Variants in HIVEP3 observed in about 807,000 individuals in gnomAD.
The protein encoded by HIVEP3 is transcription factor HIVEP3.
In HIVEP3, 49 loss-of-function variants were observed where a neutral mutation model predicts 152.8. The observed-to-expected ratio is 0.32, with a 90% confidence interval of 0.26 to 0.41. The LOEUF (loss-of-function observed/expected upper bound fraction) is 0.41. HIVEP3 is among the 10% of genes least tolerant of loss of function. The pLI, the probability that HIVEP3 is intolerant of heterozygous loss-of-function variation, is 1.00. For missense variants in HIVEP3, 2,790 were observed against 3,103.3 expected (o/e 0.90, Z 2.40); for synonymous variants, 1,269 against 1,289.0 (o/e 0.98, Z 0.33).
rs113696167 is a variant in HIVEP3, at chr1:41,812,586, C to A, written c.-801+105827G>T. Among the ~76,000 whole-genome samples, 8 of 152,108 alleles carry A rather than the reference C, an allele frequency of 5.3e-5. 1 individual carries two copies. Among genetic ancestry groups the A allele is most frequent in the African/African-American group, 1.9e-4 (8 of 41,490 alleles). ...TTCCTCTGGAATGACTGGGCCACAT[C>A]TGTATTGTGTTCCCATCTGGACACT... On this transcript the variant is annotated intron_variant, in intron 1 of 8. Coordinates refer to ENST00000372583, the MANE Select transcript of HIVEP3 (RefSeq NM_024503.5).
At chr1:41,780,829 G>C (rs1456568517) in intron 1 of HIVEP3, among the ~76,000 whole-genome samples, 2 of 152,198 alleles carry the variant, frequency 1.3e-5, no homozygotes, top group Admixed American at 6.5e-5. Flanking sequence ...ATGGAAGGTA[G>C]TGCAGGCCTG....
chr1:41,787,468 A>G (rs1204019544), intron 1 of HIVEP3, among the ~76,000 whole-genome samples: 1 of 151,840 alleles, frequency 6.6e-6, no homozygotes, highest in Non-Finnish European at 1.5e-5. Flanking sequence ...CCATGCACAC[A>G]GCAGATGAGT....
chr1:41,866,065 C>T (rs781153813), intron 1 of HIVEP3, among the ~76,000 whole-genome samples: 31 of 152,196 alleles, frequency 2.0e-4, no homozygotes, highest in Admixed American at 1.4e-3. Flanking sequence ...AACAGAGAGA[C>T]GGATAACTAT....
At chr1:41,705,763 G>C (rs950119439) in intron 1 of HIVEP3, among the ~76,000 whole-genome samples, 1 of 152,142 alleles carries the variant, frequency 6.6e-6, no homozygotes, top group East Asian at 1.9e-4. Context: ...ACACTTCTGG[G>C]TGTAGTCATC....
chr1:41,979,466 G>A (rs1029787766), intron 1 of HIVEP3, among the ~76,000 whole-genome samples: 1 of 152,182 alleles, frequency 6.6e-6, no homozygotes, highest in Non-Finnish European at 1.5e-5. Context: ...GCTAAGTAAT[G>A]GGATCTGGAC....
intron 6 of HIVEP3, among the ~76,000 whole-genome samples, chr1:41,521,860 GC>G (rs1212075067): frequency 1.3e-5 from 2 of 152,154 alleles, no homozygotes; most frequent in East Asian, 3.9e-4. Context: ...CGGTGCAAGG[GC>G]CTGGACATGG....
chr1:41,812,834 ACTGCCAAGGTTCT>A (rs1346266224), intron 1 of HIVEP3, among the ~76,000 whole-genome samples: 2 of 125,070 alleles, frequency 1.6e-5, no homozygotes, highest in Non-Finnish European at 3.2e-5. Flanking sequence ...ATAAGTTAGA[ACTGCCAAGGTTCT>A]CTGCTCCTTA....
intron 3 of HIVEP3, among the ~76,000 whole-genome samples, chr1:41,604,030 G>A (rs999069942): frequency 6.6e-6 from 1 of 152,192 alleles, no homozygotes; most frequent in African/African-American, 2.4e-5. Flanking sequence ...ACAAAATGAC[G>A]CCAAGTGTTG....
intron 1 of HIVEP3, among the ~76,000 whole-genome samples, chr1:41,870,487 C>T (rs1294592527): frequency 1.3e-5 from 2 of 152,188 alleles, no homozygotes; most frequent in Admixed American, 6.5e-5. Flanking sequence ...GCGCCTGACA[C>T]AGTACGTGCA....
At chr1:41,742,102 A>C (rs1353929117) in intron 1 of HIVEP3, among the ~76,000 whole-genome samples, 1 of 152,218 alleles carries the variant, frequency 6.6e-6, no homozygotes, top group Non-Finnish European at 1.5e-5. Flanking sequence ...TCCAGCCTCT[A>C]CAGCCAGAAG....
chr1:41,659,627 T>A (rs71652202), intron 2 of HIVEP3, among the ~76,000 whole-genome samples: 88 of 152,232 alleles, frequency 5.8e-4, no homozygotes, highest in Non-Finnish European at 1.1e-3. Flanking sequence ...CTCTGCTAGA[T>A]GCTGCGGTCC....
chr1:42,008,894 A>C lies in HIVEP3; in HGVS notation n.119+26913T>G, dbSNP rs572360804. 2.6e-5 allele frequency among the ~76,000 whole-genome samples: 4 copies of C among 152,312 alleles called. No homozygotes were observed. In the South Asian group the frequency reaches 8.3e-4, roughly 32 times the overall value. On this transcript the variant is annotated intron_variant and non_coding_transcript_variant, in intron 1 of 3. Transcript: ENST00000489103. ...TTGGTTTAGGAATAGACACGTTAAA[A>C]TTTGGTAAATAAGTCTTCCAGGAGT...
intron 1 of HIVEP3, among the ~76,000 whole-genome samples, chr1:41,908,295 T>C (rs1644745380): frequency 6.6e-6 from 1 of 152,164 alleles, no homozygotes; most frequent in Non-Finnish European, 1.5e-5. Flanking sequence ...GAAAGAATAA[T>C]TAACTCCCTA....
intron 1 of HIVEP3, among the ~76,000 whole-genome samples, chr1:41,766,672 C>T (rs1271255643): frequency 3.3e-5 from 5 of 152,212 alleles, no homozygotes; most frequent in East Asian, 1.9e-4. Flanking sequence ...CTGGACAGCA[C>T]CTGCATCACC....
chr1:41,747,666 A>G (rs1647093992), intron 1 of HIVEP3, among the ~76,000 whole-genome samples: 1 of 151,954 alleles, frequency 6.6e-6, no homozygotes, highest in Non-Finnish European at 1.5e-5. Context: ...TCTTTTATTG[A>G]TATATTATCT....
intron 1 of HIVEP3, among the ~76,000 whole-genome samples, chr1:41,834,528 C>T (rs1436616417): frequency 6.6e-6 from 1 of 152,196 alleles, no homozygotes; most frequent in Non-Finnish European, 1.5e-5. Context: ...AACACTATAG[C>T]TGTAACAGCT....
chr1:41,602,986 AGT>A (rs1294477104), intron 3 of HIVEP3, among the ~76,000 whole-genome samples: 1 of 152,080 alleles, frequency 6.6e-6, no homozygotes, highest in Non-Finnish European at 1.5e-5. Flanking sequence ...GGTTGTTTAC[AGT>A]GTGTCATTTA....
intron 1 of HIVEP3, among the ~76,000 whole-genome samples, chr1:41,913,508 C>A (rs924233029): frequency 6.6e-6 from 1 of 152,116 alleles, no homozygotes; most frequent in African/African-American, 2.4e-5. Context: ...GAGATCCTCC[C>A]GCCTCTGTCT....
intron 1 of HIVEP3, among the ~76,000 whole-genome samples, chr1:41,872,553 T>G (rs749602649): frequency 1.3e-5 from 2 of 152,188 alleles, no homozygotes; most frequent in African/African-American, 4.8e-5. Flanking sequence ...CCTGCTCTTA[T>G]CTCCCTCTAT....
Sources: gnomAD v4.1 joint callset for allele counts (sites outside exome capture counted in the v4.1 genomes callset) on GRCh38, gnomAD v4.1.1 for gene constraint, MANE v1.5 for transcripts, NCBI Gene and HGNC (gene_info 2026-07-23, HGNC 2026-07-21) for gene names.